The following MTUS2 variants were observed in gnomAD, a reference collection of about 807,000 sequenced individuals.
MTUS2 encodes microtubule-associated tumor suppressor candidate 2.
MTUS2 carries 40 observed loss-of-function variants against 114.1 expected under a neutral mutation model. The ratio of observed to expected loss-of-function variants is 0.35; its 90% confidence interval spans 0.27 to 0.46. MTUS2 has a LOEUF of 0.46. Among genes scored for constraint, MTUS2 ranks in the 20% least tolerant of loss-of-function variants. MTUS2 has a pLI of 1.00. For synonymous variants in MTUS2, 688 were observed against 672.0 expected, an observed-to-expected ratio of 1.02 and a Z score of -0.37; for missense variants, 1,679 against 1,705.4, an observed-to-expected ratio of 0.98 and a Z score of 0.27.
chr13:28,985,103 G>A (rs1884522562), intron 2 of MTUS2, among the ~76,000 whole-genome samples: 1 of 152,218 alleles, frequency 6.6e-6, no homozygotes, highest in South Asian at 2.1e-4. Flanking sequence ...TGATTCATGT[G>A]TCAACCTTTT....
intron 4 of MTUS2, among the ~76,000 whole-genome samples, chr13:29,036,587 G>A (rs6490342): frequency 0.037 from 5,701 of 152,276 alleles, 338 homozygotes; most frequent in African/African-American, 0.13. Context: ...TCGTTGATCT[G>A]TCTAATATTG....
chr13:28,842,895 A>T (rs1227461531), intron 2 of MTUS2, among the ~76,000 whole-genome samples: 6 of 152,158 alleles, frequency 3.9e-5, no homozygotes, highest in African/African-American at 1.4e-4. Flanking sequence ...AACACTCATT[A>T]TCTCAGTGGC....
rs769766930 is a variant in MTUS2 at position 29,033,881 on chromosome 13, A to G, written c.2206-4A>G. 8.7e-6 allele frequency: 14 copies of G among 1,613,702 alleles called. No individual in the cohort carries two copies. Among genetic ancestry groups the G allele is most frequent in the Admixed American group, 5.0e-5 (3 of 59,990 alleles). On this transcript the variant is annotated splice_polypyrimidine_tract_variant and splice_region_variant and intron_variant, in intron 3 of 15. Coordinates refer to ENST00000612955, the MANE Select transcript of MTUS2 (RefSeq NM_001033602.4). ...CTGATTGAGTTTTTGTTCATTTATC[A>G]TAGGTTACAGACCACCCTGGAAAAG...
chr13:29,417,791 A>T (rs182940471), intron 8 of MTUS2, among the ~76,000 whole-genome samples: 1 of 151,814 alleles, frequency 6.6e-6, no homozygotes, highest in Non-Finnish European at 1.5e-5. Flanking sequence ...CTTCATGGCT[A>T]TTTTCTTGGA....
At chr13:29,069,934 C>T (rs2138681472) in intron 4 of MTUS2, among the ~76,000 whole-genome samples, 1 of 152,282 alleles carries the variant, frequency 6.6e-6, no homozygotes, top group South Asian at 2.1e-4. Flanking sequence ...TAGCACAAAG[C>T]TTTCTTCTGG....
intron 5 of MTUS2, among the ~76,000 whole-genome samples, chr13:29,216,496 C>T (rs915111976): frequency 1.3e-5 from 2 of 152,152 alleles, no homozygotes; most frequent in African/African-American, 4.8e-5. Context: ...ACCCAGGGCC[C>T]TGGTGGTGCA....
intron 5 of MTUS2, among the ~76,000 whole-genome samples, chr13:29,235,086 G>A (rs1566082708): frequency 6.6e-6 from 1 of 151,786 alleles, no homozygotes; most frequent in African/African-American, 2.4e-5. Context: ...ATTTAATTTA[G>A]TTAATTAATT....
chr13:29,059,844 A>T (rs757094639), intron 4 of MTUS2, among the ~76,000 whole-genome samples: 2 of 152,222 alleles, frequency 1.3e-5, no homozygotes, highest in African/African-American at 4.8e-5. Flanking sequence ...TTGCCCATCT[A>T]GCTACCACTG....
At chr13:29,002,916 C>T (rs1179709055) in intron 2 of MTUS2, among the ~76,000 whole-genome samples, 1 of 152,162 alleles carries the variant, frequency 6.6e-6, no homozygotes, top group Non-Finnish European at 1.5e-5. Flanking sequence ...GGTAATAGAG[C>T]ACCATTGAAC....
chr13:29,493,472 A>G (rs987362077), intron 12 of MTUS2, among the ~76,000 whole-genome samples: 3 of 152,094 alleles, frequency 2.0e-5, no homozygotes, highest in Non-Finnish European at 2.9e-5. Flanking sequence ...TGTTAGGCAC[A>G]CTCTCATCTG....
At chr13:29,390,245 G>C (rs1286800135) in intron 8 of MTUS2, among the ~76,000 whole-genome samples, 1 of 151,448 alleles carries the variant, frequency 6.6e-6, no homozygotes, top group Non-Finnish European at 1.5e-5. Flanking sequence ...GATTCACAAG[G>C]CCCAAATTAT....
chr13:29,334,055 C>T (rs2138074348), intron 7 of MTUS2, among the ~76,000 whole-genome samples: 1 of 152,132 alleles, frequency 6.6e-6, no homozygotes, highest in East Asian at 1.9e-4. Flanking sequence ...TTTCCATTTG[C>T]TTGGTAAATA....
chr13:29,088,380 T>C (rs1267247840), intron 4 of MTUS2, among the ~76,000 whole-genome samples: 1 of 152,184 alleles, frequency 6.6e-6, no homozygotes, highest in East Asian at 1.9e-4. Flanking sequence ...TTGTTGAGAA[T>C]TGCTTTATGC....
At chr13:29,165,404 GT>G (rs1304627662) in intron 5 of MTUS2, among the ~76,000 whole-genome samples, 4 of 152,120 alleles carry the variant, frequency 2.6e-5, no homozygotes, top group African/African-American at 9.7e-5. Flanking sequence ...CATTTTTGTA[GT>G]TACATTTAAG....
At chr13:28,965,431 G>T (rs908042122) in intron 2 of MTUS2, among the ~76,000 whole-genome samples, 1 of 152,174 alleles carries the variant, frequency 6.6e-6, no homozygotes, top group Non-Finnish European at 1.5e-5. Context: ...CCTTTAATAG[G>T]TTGTAACACT....
intron 5 of MTUS2, among the ~76,000 whole-genome samples, chr13:29,147,675 T>C (rs1892492930): frequency 1.3e-5 from 2 of 152,286 alleles, no homozygotes; most frequent in African/African-American, 2.4e-5. Flanking sequence ...CCACTTAAAG[T>C]GGGAACATGC....
At chr13:29,153,917 C>A (rs2139049151) in intron 5 of MTUS2, among the ~76,000 whole-genome samples, 1 of 152,256 alleles carries the variant, frequency 6.6e-6, no homozygotes, top group East Asian at 1.9e-4. Flanking sequence ...CTCTGTACTC[C>A]CTGTTGCTCA....
chr13:29,044,845 A>C (rs1326801150), intron 4 of MTUS2, among the ~76,000 whole-genome samples: 5 of 152,300 alleles, frequency 3.3e-5, no homozygotes, highest in Admixed American at 3.3e-4. Flanking sequence ...GCTCTGGAGA[A>C]ATATTTGCTT....
chr13:29,382,403 G>A (rs1301087928), intron 8 of MTUS2, among the ~76,000 whole-genome samples: 3 of 152,200 alleles, frequency 2.0e-5, no homozygotes, highest in Admixed American at 1.3e-4. Context: ...TGGAGATGGC[G>A]TGAAGTCGAT....
Sources: gnomAD v4.1 joint callset for allele counts (sites outside exome capture counted in the v4.1 genomes callset) on GRCh38, gnomAD v4.1.1 for gene constraint, MANE v1.5 for transcripts, NCBI Gene and HGNC (gene_info 2026-07-23, HGNC 2026-07-21) for gene names.